The following ORC1 variants were observed in gnomAD, a reference collection of about 807,000 sequenced individuals.
The protein encoded by ORC1 is origin recognition complex subunit 1.
A neutral mutation model predicts 98.9 loss-of-function variants in ORC1; 61 were observed. The observed-to-expected ratio is 0.62, with a 90% CI of 0.50 to 0.76. The LOEUF is 0.76. Ranked by LOEUF, ORC1 falls within the 30% of genes least tolerant of loss-of-function variation. The pLI, the probability that ORC1 is intolerant of heterozygous loss-of-function variation, is 0.00. For synonymous variants in ORC1, 385 were observed against 406.9 expected, an observed-to-expected ratio of 0.95 and a Z score of 0.65; for missense variants, 979 against 1,072.2, an observed-to-expected ratio of 0.91 and a Z score of 1.21.
At chr1:52,399,715 G>A (rs1416643364) in intron 3 of ORC1, among the ~76,000 whole-genome samples, 2 of 151,784 alleles carry the variant, frequency 1.3e-5, no homozygotes, top group African/African-American at 4.8e-5. Flanking sequence ...GGCTGAGGCA[G>A]GAGAACTGCT....
chr1:52,392,163 G>A (rs1015697496), intron 6 of ORC1, among the ~76,000 whole-genome samples: 12 of 150,250 alleles, frequency 8.0e-5, no homozygotes, highest in Non-Finnish European at 1.2e-4. Flanking sequence ...ATGGAGTCTC[G>A]CTGTCGCCCA....
chr1:52,396,147 T>C lies in ORC1; in HGVS notation c.620A>G (p.His207Arg). 2 of 1,614,152 alleles carry C rather than the reference T, an allele frequency of 1.2e-6. No individual in the cohort carries two copies. Among genetic ancestry groups the C allele is most frequent in the Middle Eastern group, 1.6e-4 (1 of 6,062 alleles). ...AESPSWTPAEHVAKRIESRHS... is the reference protein window; with the variant it reads ...AESPSWTPAERVAKRIESRHS... The stretch of plus-strand genomic sequence containing the variant: ...CCTTGATTCAATCCTTTTGGCCACA[T>C]GTTCTGCTGGGGTCCAAGAAGGGCT... The change falls in exon 5 of 17, where the codon CAT becomes CGT. Residue 207 changes from histidine to arginine, a missense_variant. Transcript: ENST00000371568.
intron 14 of ORC1, among the ~76,000 whole-genome samples, chr1:52,380,868 A>G: frequency 6.6e-6 from 1 of 152,204 alleles, no homozygotes; most frequent in East Asian, 1.9e-4. Context: ...AGACAGGCAC[A>G]CAATTGGCTC....
At chr1:52,381,530 C>T in intron 14 of ORC1, 112 bp downstream of exon 14, 1 of 1,139,180 alleles carries the variant, frequency 8.8e-7, no homozygotes, top group Admixed American at 2.0e-5. Flanking sequence ...GATATTTTTA[C>T]ACGACTTTCT....
intron 6 of ORC1, 32 bp from the exon 7 acceptor site, chr1:52,389,353 C>T (rs1328237795): frequency 5.2e-6 from 8 of 1,543,336 alleles, no homozygotes; most frequent in Non-Finnish European, 9.0e-7. Context: ...TCACGGGAAG[C>T]AGTTTTGGAT....
chr1:52,400,682 T>C (rs950274611), intron 3 of ORC1, among the ~76,000 whole-genome samples: 9 of 152,202 alleles, frequency 5.9e-5, no homozygotes, highest in Non-Finnish European at 1.0e-4. Context: ...CACATTTCTG[T>C]GCTCTCCTCT....
Position 52,388,585 on chromosome 1 carries a change from C to T in ORC1, c.1240G>A (p.Ala414Thr), listed in dbSNP as rs748796277. The change falls in exon 8 of 17, where the codon GCA becomes ACA. Residue 414 changes from alanine to threonine, a missense_variant. Physicochemically the swap from Ala to Thr is moderately conservative, Grantham distance 58. Transcript: ENST00000371568. ...DQEEKEILPA[A>T]EISDSSSDEE... ...TCACTGCTAGAGTCTGAAATCTCTGCTGCTGGCAGAATCTCTTTCTCTTCT... is the reference window on the plus strand; with the variant it reads ...TCACTGCTAGAGTCTGAAATCTCTGTTGCTGGCAGAATCTCTTTCTCTTCT... 3 of 1,614,108 alleles carry T rather than the reference C, an allele frequency of 1.9e-6. No individual in the cohort carries two copies. The highest frequency in any genetic ancestry group is 1.7e-5 in the Admixed American group (1 of 60,018).
chr1:52,392,435 G>A (rs1052088399), intron 6 of ORC1, among the ~76,000 whole-genome samples: 2 of 152,054 alleles, frequency 1.3e-5, no homozygotes, highest in Non-Finnish European at 2.9e-5. Context: ...GCCAGAAAAG[G>A]GAACACTTCT....
upstream of ORC1, chr1:52,408,605 G>C (rs375603067): frequency 3.1e-6 from 5 of 1,614,078 alleles, no homozygotes; most frequent in African/African-American, 6.7e-5. Context: ...ACATGAGGCT[G>C]ACAGGCACTG....
upstream of ORC1, among the ~76,000 whole-genome samples, chr1:52,407,919 G>C (rs1648042826): frequency 6.6e-6 from 1 of 152,272 alleles, no homozygotes; most frequent in Admixed American, 6.5e-5. Flanking sequence ...GGCTGGGTGT[G>C]TTGGCACATG....
chr1:52,404,603 C>T (rs761482804), upstream of ORC1: 22 of 797,490 alleles, frequency 2.8e-5, no homozygotes, highest in Non-Finnish European at 4.1e-5. Flanking sequence ...AAGCCCTTTA[C>T]ACTACGGTGT....
intron 1 of ORC1, among the ~76,000 whole-genome samples, chr1:52,402,527 G>A (rs1647763007): frequency 6.6e-6 from 1 of 152,090 alleles, no homozygotes; most frequent in South Asian, 2.1e-4. Context: ...AGAAATACTA[G>A]GAATAAGGCA....
At chr1:52,408,736 T>G, upstream of ORC1, 1 of 1,605,574 alleles carries the variant, frequency 6.2e-7, no homozygotes, top group Non-Finnish European at 8.5e-7. Flanking sequence ...TAAGCCAGTT[T>G]TTATTTTACC....
Position 52,378,430 on chromosome 1 carries a change from C to T in ORC1, c.2134-2831G>A, listed in dbSNP as rs144947799. On this transcript the variant is annotated intron_variant, in intron 14 of 16. Coordinates refer to ENST00000371568, the MANE Select transcript of ORC1 (RefSeq NM_004153.4). ...ATCCTTTAACTTTGGGAGGCCAAGG[C>T]AGGCAGATCACTTGAGGTCAGGAGT... Among the ~76,000 whole-genome samples the T allele has an allele frequency of 2.0e-5, 3 of 151,808 alleles. No individual in the cohort carries two copies. In the East Asian group the frequency reaches 5.8e-4, roughly 30 times the overall value.
chr1:52,405,418 GA>G (rs1199164399), upstream of ORC1, among the ~76,000 whole-genome samples: 1 of 152,190 alleles, frequency 6.6e-6, no homozygotes, highest in African/African-American at 2.4e-5. Context: ...TCCTTACCTG[GA>G]AATAAGAACA....
Position 52,384,718 on chromosome 1 carries a change from G to A in ORC1, c.1587C>T (p.Cys529=), listed in dbSNP as rs750119899. 9 of 1,613,110 alleles carry A rather than the reference G, an allele frequency of 5.6e-6. No individual in the cohort carries two copies. The highest frequency in any genetic ancestry group is 1.3e-5 in the African/African-American group (1 of 74,972). ...ESKLLDHTGG[C]MYISGVPGTG... ...TCCCAGGGACACCGGAGATGTACAT[G>A]CACCTAGAGCAAGAGAGGAAAACCC... Residue 529 remains cysteine, a synonymous_variant, in exon 11 of 17, where the codon TGC becomes TGT. Transcript: ENST00000371568.
chr1:52,385,207 C>T lies in ORC1; in HGVS notation c.1537G>A (p.Asp513Asn), dbSNP rs1241033692. 2 of 1,614,072 alleles carry T rather than the reference C, an allele frequency of 1.2e-6. No individual in the cohort carries two copies. Among genetic ancestry groups the T allele is most frequent in the Non-Finnish European group, 1.7e-6 (2 of 1,179,920 alleles). Residue 513 changes from aspartate (D) to asparagine (N), a missense_variant, in exon 10 of 17, where the codon GAC becomes AAC. By Grantham distance (23) the Asp-to-Asn change is conservative. Transcript: ENST00000371568. The part of the protein sequence containing the change: ...SLPCREQEFQ[D>N]IYNFVESKLL... Reference sequence around the variant, plus strand: ...TTGCTTTCCACAAAATTGTAGATGTCTTGGAATTCCTGTTCCCGACAGGGA... The same window carrying T: ...TTGCTTTCCACAAAATTGTAGATGTTTTGGAATTCCTGTTCCCGACAGGGA...
intron 5 of ORC1, 71 bp downstream of exon 5, chr1:52,395,975 A>C: frequency 1.2e-6 from 2 of 1,601,218 alleles, no homozygotes. Context: ...ATACTTTCCC[A>C]TAAATTATCA....
chr1:52,389,466 A>C (rs1055849300), intron 6 of ORC1, 145 bp from the exon 7 acceptor site: 1 of 674,678 alleles, frequency 1.5e-6, no homozygotes, highest in Non-Finnish European at 2.6e-6. Context: ...TTCTGCTAAA[A>C]AGTTGGCAAA....
Sources: allele counts gnomAD v4.1 joint callset (sites outside exome capture counted in the v4.1 genomes callset), GRCh38; gene constraint gnomAD v4.1.1; transcripts MANE v1.5; gene names NCBI Gene and HGNC (gene_info 2026-07-23, HGNC 2026-07-21).